The following CASZ1 variants were observed in gnomAD, a reference collection of about 807,000 sequenced individuals.
CASZ1 encodes the protein zinc finger protein castor homolog 1.
Under a neutral mutation model 135.2 loss-of-function variants are expected in CASZ1, and 28 were observed. The observed-to-expected ratio is 0.21, with a 90% CI of 0.15 to 0.28. The LOEUF (loss-of-function observed/expected upper bound fraction) is 0.28. CASZ1 is among the 10% of genes least tolerant of loss of function. CASZ1 has a pLI of 1.00. For synonymous variants in CASZ1, 1,068 were observed against 1,073.4 expected (o/e 0.99, Z 0.10); for missense variants, 2,161 against 2,453.3 (o/e 0.88, Z 2.52).
chr1:10,712,724 C>G (rs111315166), intron 2 of CASZ1, among the ~76,000 whole-genome samples: 4 of 152,348 alleles, frequency 2.6e-5, no homozygotes, highest in African/African-American at 7.2e-5. Flanking sequence ...TAGGACCCCC[C>G]CGCTCAAGTG....
chr1:10,712,845 C>T (rs1242909181), intron 2 of CASZ1, among the ~76,000 whole-genome samples: 1 of 152,246 alleles, frequency 6.6e-6, no homozygotes, highest in African/African-American at 2.4e-5. Flanking sequence ...ACCATGCTCC[C>T]CAGATAACTT....
At chr1:10,754,743 C>T (rs1412356058) in intron 2 of CASZ1, among the ~76,000 whole-genome samples, 2 of 152,204 alleles carry the variant, frequency 1.3e-5, no homozygotes, top group Non-Finnish European at 2.9e-5. Flanking sequence ...CAGCTGCTGC[C>T]CGGGCCCAGC....
In CASZ1 at chr1:10,726,015, T is replaced by C. The variant is rs1639591020; in HGVS notation, c.-76-20471A>G. On this transcript the variant is annotated intron_variant, in intron 2 of 20. Coordinates refer to ENST00000377022, the MANE Select transcript of CASZ1 (RefSeq NM_001079843.3). This position sits in a 1 kb window ranked among gnomAD's most constrained non-coding sequence, Gnocchi z 5.7. ...ATAGCAATAATAATGACAGCTAGCA[T>C]TTGCTGAGCAGTCACTATCTGTCAG... Among the ~76,000 whole-genome samples, 1 of 152,096 alleles carries C rather than the reference T, an allele frequency of 6.6e-6. No homozygotes were observed.
At chr1:10,769,609 C>G (rs780535015) in intron 1 of CASZ1, among the ~76,000 whole-genome samples, 3 of 151,706 alleles carry the variant, frequency 2.0e-5, no homozygotes, top group African/African-American at 7.3e-5. Context: ...CTCTGTTCCC[C>G]GGGTTCAAGC....
rs774450991 is a variant in CASZ1 at position 10,647,924 on chromosome 1, G to A, written c.3374C>T (p.Thr1125Ile). 5.6e-6 allele frequency: 9 copies of A among 1,613,500 alleles called. No homozygotes were observed. In the African/African-American group the frequency reaches 1.1e-4, roughly 19 times the overall value. Residue 1125 changes from threonine to isoleucine, a missense_variant, in exon 16 of 21, where the codon ACC becomes ATC. Thr to Ile is a moderately conservative substitution (Grantham distance 89). Around this residue, in one of 7 missense-constraint regions of CASZ1, gnomAD observed 349 missense variants for 460.8 expected, o/e 0.76. Transcript: ENST00000377022. This position sits in a 1 kb window ranked among gnomAD's most constrained non-coding sequence, Gnocchi z 4.9. ...TLLAWKQLAS[T>I]IPQMPQIPAS... The stretch of plus-strand genomic sequence containing the variant: ...TGGGATCTGAGGCATCTGGGGTATG[G>A]TGGAAGCCAGCTGCTTCCAGGCGAG...
intron 2 of CASZ1, among the ~76,000 whole-genome samples, chr1:10,723,032 TG>T (rs1639530833): frequency 1.3e-5 from 2 of 152,190 alleles, no homozygotes; most frequent in Non-Finnish European, 1.5e-5. Context: ...TGAGCACCAA[TG>T]GGGTGTGCGT....
rs532063463 is a variant in CASZ1 at position 10,653,642 on chromosome 1, C to T, written c.2415G>A (p.Leu805=). The T allele has an allele frequency of 9.7e-6, 15 of 1,550,528 alleles. No individual in the cohort carries two copies. In the East Asian group the frequency reaches 2.7e-4, roughly 28 times the overall value. ...GCAGGGAGGTGCTCCCACGGCCAGC[C>T]AGTATGGGGAAGTAGGGCGTGGGGG... The part of the protein sequence containing the change: ...LPTPTPYFPI[L]AGRGSTSLPV... The change falls in exon 11 of 21, where the codon CTG becomes CTA. Residue 805 remains leucine (L), a synonymous_variant. Transcript: ENST00000377022.
intron 1 of CASZ1, among the ~76,000 whole-genome samples, chr1:10,770,771 C>A (rs1321770242): frequency 1.3e-5 from 2 of 152,272 alleles, no homozygotes; most frequent in African/African-American, 4.8e-5. Context: ...CAATCATCAC[C>A]TAGGTCTACA....
chr1:10,648,999 G>C, intron 15 of CASZ1, 71 bp downstream of exon 15: 2 of 1,579,466 alleles, frequency 1.3e-6, no homozygotes, highest in South Asian at 2.3e-5. Context: ...ACCAGCCTGA[G>C]CCCCACCCAC....
chr1:10,771,432 G>A (rs1488543366), intron 1 of CASZ1, among the ~76,000 whole-genome samples: 3 of 151,848 alleles, frequency 2.0e-5, no homozygotes, highest in South Asian at 2.1e-4. Context: ...GGTTGGTTTC[G>A]GGTACTTCTA....
rs914021260 is a variant in CASZ1, at chr1:10,720,317, G to A, written c.-76-14773C>T. On this transcript the variant is annotated intron_variant, in intron 2 of 20. Coordinates refer to ENST00000377022, the MANE Select transcript of CASZ1 (RefSeq NM_001079843.3). This position sits in a 1 kb window ranked among gnomAD's most constrained non-coding sequence, Gnocchi z 5.7. The stretch of plus-strand genomic sequence containing the variant: ...CATTGTGATCATTGTCATCATCATC[G>A]CCATCGCTAAACACTTCTCTAACCA... Among the ~76,000 whole-genome samples, 12 of 152,306 alleles carry A rather than the reference G, an allele frequency of 7.9e-5. No individual in the cohort carries two copies. Among genetic ancestry groups the A allele is most frequent in the Admixed American group, 5.9e-4 (9 of 15,304 alleles).
intron 2 of CASZ1, among the ~76,000 whole-genome samples, chr1:10,749,037 G>A (rs1434912599): frequency 1.3e-5 from 2 of 152,176 alleles, no homozygotes; most frequent in Non-Finnish European, 2.9e-5. Flanking sequence ...TGCGGCTGCT[G>A]CGTCCCAGCT....
At position 10,786,631 on chromosome 1, in the gene CASZ1, C is replaced by T. The variant is rs1469362282; in HGVS notation, c.-234+9933G>A. On this transcript the variant is annotated intron_variant, in intron 1 of 20. Coordinates refer to ENST00000377022, the MANE Select transcript of CASZ1 (RefSeq NM_001079843.3). ...TCACATCAGCCCCACGAGGTAGGTA[C>T]TATTATGCCCATTTCATAGATGAGG... is the stretch of plus-strand genomic sequence containing the variant. Among the ~76,000 whole-genome samples, 3 of 152,218 alleles carry T rather than the reference C, an allele frequency of 2.0e-5. No homozygotes were observed. The East Asian group carries it at 5.8e-4, about 29-fold the overall frequency.
intron 1 of CASZ1, among the ~76,000 whole-genome samples, chr1:10,792,746 AG>A (rs1299327847): frequency 1.3e-5 from 2 of 151,096 alleles, no homozygotes; most frequent in Non-Finnish European, 2.9e-5. Context: ...TGGGCAGAGA[AG>A]AAAAGGAGAA....
chr1:10,678,790 A>T (rs114784407), intron 4 of CASZ1, among the ~76,000 whole-genome samples: 1,796 of 151,112 alleles, frequency 0.012, 7 homozygotes, highest in Non-Finnish European at 0.02. Context: ...CTATATCGCT[A>T]TCCAATCCAA....
At chr1:10,778,407 A>C (rs1640699816) in intron 1 of CASZ1, among the ~76,000 whole-genome samples, 1 of 151,592 alleles carries the variant, frequency 6.6e-6, no homozygotes, top group Admixed American at 6.6e-5. Context: ...CTCAGACACA[A>C]TCTTACAATC....
chr1:10,749,800 T>C lies in CASZ1; in HGVS notation c.-77+10901A>G, dbSNP rs114644534. 7.3e-3 allele frequency among the ~76,000 whole-genome samples: 1,105 copies of C among 152,228 alleles called. 9 individuals are homozygous for C. The highest frequency in any genetic ancestry group is 0.024 in the African/African-American group (977 of 41,514). On this transcript the variant is annotated intron_variant, in intron 2 of 20. Coordinates refer to ENST00000377022, the MANE Select transcript of CASZ1 (RefSeq NM_001079843.3). ...TTCTTAGAAGTGTTAAAAGATGACC[T>C]TACATCTAACAAATATTAATACTGA...
intron 13 of CASZ1, 96 bp downstream of exon 13, chr1:10,650,596 C>G: frequency 9.7e-7 from 1 of 1,034,814 alleles, no homozygotes; most frequent in Non-Finnish European, 1.5e-6. Flanking sequence ...TTATTAGAGG[C>G]AAAACATTAA....
rs1357334815 is a variant in CASZ1, at chr1:10,701,971, C to T, written c.-24+3521G>A. 2.6e-5 allele frequency among the ~76,000 whole-genome samples: 4 copies of T among 152,224 alleles called. No homozygotes were observed. The highest frequency in any genetic ancestry group is 1.9e-4 in the East Asian group (1 of 5,182). ...CCTACTGAGGCTTCTCTTGGGCTTC[C>T]GGCCCCGCTGCCTGGGCGGCGTCTG... On this transcript the variant is annotated intron_variant, in intron 3 of 20. Transcript: ENST00000377022. The surrounding 1 kb of genome is among the most constrained non-coding windows in gnomAD (Gnocchi z 6.3).
Sources: gnomAD v4.1 joint callset for allele counts (sites outside exome capture counted in the v4.1 genomes callset) on GRCh38, gnomAD v4.1.1 for gene constraint, gnomAD v4.1.1 regional missense constraint, Gnocchi (gnomAD v3.1) non-coding constraint, MANE v1.5 for transcripts, NCBI Gene and HGNC (gene_info 2026-07-23, HGNC 2026-07-21) for gene names.